BRINP3: variants seen among roughly 807,000 people sequenced by gnomAD.
The protein encoded by BRINP3 is BMP/retinoic acid inducible neural specific 3.
In BRINP3, 19 loss-of-function variants were observed where a neutral mutation model predicts 71.0. The observed-to-expected ratio is 0.27, with a 90% confidence interval of 0.19 to 0.39. BRINP3 has a LOEUF of 0.39. BRINP3 is among the 10% of genes least tolerant of loss of function. The probability of loss-of-function intolerance (pLI) is 1.00; values close to 1 mark genes in which losing one functional copy is unlikely to be tolerated. For missense variants in BRINP3, 959 were observed against 940.8 expected (o/e 1.02, Z -0.25); for synonymous variants, 380 against 337.7 (o/e 1.13, Z -1.37).
intron 7 of BRINP3, among the ~76,000 whole-genome samples, chr1:190,145,635 A>T (rs1655817611): frequency 6.6e-6 from 1 of 152,220 alleles, no homozygotes. Flanking sequence ...AAGAACAAAA[A>T]GTAGACCTAC....
chr1:190,253,573 C>A (rs901427888), intron 4 of BRINP3, among the ~76,000 whole-genome samples: 1 of 152,052 alleles, frequency 6.6e-6, no homozygotes, highest in African/African-American at 2.4e-5. Flanking sequence ...TAAATGTCTT[C>A]TTTTGAGAAG....
chr1:190,267,933 T>C (rs1418899104), intron 3 of BRINP3, among the ~76,000 whole-genome samples: 1 of 152,068 alleles, frequency 6.6e-6, no homozygotes, highest in Non-Finnish European at 1.5e-5. Flanking sequence ...TCTAAATCTA[T>C]TTTTATAAAC....
chr1:190,391,421 A>C lies in BRINP3; in HGVS notation c.236+63234T>G, dbSNP rs141031183. ...GTTATATAATTGCTAGTCTATACTT[A>C]GTATCATTAGCATTTTAATTGGAAA... On this transcript the variant is annotated intron_variant, in intron 2 of 7. Transcript: ENST00000367462. Among the ~76,000 whole-genome samples the C allele has an allele frequency of 8.6e-5, 13 of 151,976 alleles. No homozygotes were observed. The East Asian group carries it at 2.5e-3, about 29-fold the overall frequency.
intron 2 of BRINP3, among the ~76,000 whole-genome samples, chr1:190,397,754 T>A (rs1671671521): frequency 1.3e-5 from 2 of 151,820 alleles, no homozygotes; most frequent in South Asian, 4.1e-4. Flanking sequence ...AATAATTAAA[T>A]TAAATAATTT....
At chr1:190,225,638 T>A (rs1171332101) in intron 6 of BRINP3, among the ~76,000 whole-genome samples, 1 of 151,878 alleles carries the variant, frequency 6.6e-6, no homozygotes, top group East Asian at 1.9e-4. Flanking sequence ...CACTATAAAA[T>A]TAAAATTTAG....
At chr1:190,385,185 C>G (rs1402312256) in intron 2 of BRINP3, among the ~76,000 whole-genome samples, 1 of 152,054 alleles carries the variant, frequency 6.6e-6, no homozygotes, top group African/African-American at 2.4e-5. Context: ...GACTTCATGT[C>G]TAAAACACCA....
intron 6 of BRINP3, among the ~76,000 whole-genome samples, chr1:190,207,148 A>G (rs557816810): frequency 3.0e-4 from 45 of 152,082 alleles, no homozygotes; most frequent in Non-Finnish European, 5.4e-4. Flanking sequence ...TCAATACTAA[A>G]TTGTATAAAG....
chr1:190,318,527 C>T (rs1666032302), intron 2 of BRINP3, among the ~76,000 whole-genome samples: 1 of 152,070 alleles, frequency 6.6e-6, no homozygotes, highest in South Asian at 2.1e-4. Flanking sequence ...CAGGGTAATG[C>T]ACTTATAGGC....
At chr1:190,428,885 A>G (rs528952193) in intron 2 of BRINP3, among the ~76,000 whole-genome samples, 13 of 152,250 alleles carry the variant, frequency 8.5e-5, no homozygotes, top group African/African-American at 2.9e-4. Flanking sequence ...AATACAATTT[A>G]AAGCATTTAA....
At chr1:190,368,496 C>T (rs112785751) in intron 2 of BRINP3, among the ~76,000 whole-genome samples, 1 of 63,700 alleles carries the variant, frequency 1.6e-5, no homozygotes, top group African/African-American at 3.6e-5. Context: ...TAGGATGTAA[C>T]AAAAGCCCAT....
chr1:190,336,265 A>C (rs1170169983), intron 2 of BRINP3, among the ~76,000 whole-genome samples: 2 of 152,056 alleles, frequency 1.3e-5, no homozygotes, highest in Non-Finnish European at 2.9e-5. Context: ...TTGGAAGATT[A>C]ATCTATGTTT....
intron 4 of BRINP3, among the ~76,000 whole-genome samples, chr1:190,245,854 T>G (rs965122513): frequency 1.3e-5 from 2 of 150,278 alleles, no homozygotes; most frequent in Non-Finnish European, 3.0e-5. Context: ...CATGCGGTGT[T>G]TGGTTTTTTT....
intron 7 of BRINP3, among the ~76,000 whole-genome samples, chr1:190,130,086 T>C (rs979132284): frequency 6.6e-5 from 10 of 152,046 alleles, no homozygotes; most frequent in African/African-American, 2.4e-4. Context: ...CAATTTGGCT[T>C]CTACAAAAAA....
chr1:190,204,196 T>C (rs1432675952), intron 6 of BRINP3, among the ~76,000 whole-genome samples: 2 of 151,906 alleles, frequency 1.3e-5, no homozygotes, highest in Admixed American at 1.3e-4. Flanking sequence ...AGAAAAACTT[T>C]GTAAAATAAA....
At chr1:190,158,466 G>A (rs1163305090) in intron 7 of BRINP3, among the ~76,000 whole-genome samples, 1 of 152,066 alleles carries the variant, frequency 6.6e-6, no homozygotes, top group South Asian at 2.1e-4. Context: ...CTATTAGAGT[G>A]GAGAGAAAGT....
chr1:190,255,096 A>G (rs1660534947), intron 4 of BRINP3, among the ~76,000 whole-genome samples: 1 of 152,022 alleles, frequency 6.6e-6, no homozygotes, highest in Non-Finnish European at 1.5e-5. Flanking sequence ...GCATATGTCG[A>G]ACCAGCCTTG....
intron 6 of BRINP3, among the ~76,000 whole-genome samples, chr1:190,163,952 T>C (rs1319569844): frequency 2.6e-5 from 4 of 152,146 alleles, no homozygotes; most frequent in Non-Finnish European, 4.4e-5. Context: ...CAGGTAAGAC[T>C]TGGTTTCATA....
chr1:190,152,280 T>C (rs767599526), intron 7 of BRINP3, among the ~76,000 whole-genome samples: 53 of 152,112 alleles, frequency 3.5e-4, no homozygotes, highest in Non-Finnish European at 5.3e-4. Flanking sequence ...ACCATGGCAG[T>C]CATTATCTCA....
intron 1 of BRINP3, chr1:190,474,805 C>G (rs1677389841): frequency 6.6e-6 from 1 of 151,920 alleles, no homozygotes; most frequent in African/African-American, 2.4e-5. Flanking sequence ...CCATCAGAGA[C>G]TTAAACTCTC....
Sources: allele counts gnomAD v4.1 joint callset (sites outside exome capture counted in the v4.1 genomes callset), GRCh38; gene constraint gnomAD v4.1.1; transcripts MANE v1.5; gene names NCBI Gene and HGNC (gene_info 2026-07-23, HGNC 2026-07-21).